Variants in PSMD5 observed in about 807,000 individuals in gnomAD.
PSMD5 encodes the protein proteasome 26S subunit, non-ATPase 5, also known as 26S proteasome non-ATPase regulatory subunit 5.
Under a neutral mutation model 52.1 loss-of-function variants are expected in PSMD5, and 40 were observed. That is an observed-to-expected ratio of 0.77 (90% CI 0.60 to 1.00). The LOEUF (loss-of-function observed/expected upper bound fraction) is 1.00. Ranked by LOEUF, PSMD5 falls within the 50% of genes least tolerant of loss-of-function variation. The pLI, the probability that PSMD5 is intolerant of heterozygous loss-of-function variation, is 0.00. For synonymous variants in PSMD5, 211 were observed against 226.6 expected (o/e 0.93, Z 0.62); for missense variants, 575 against 605.2 (o/e 0.95, Z 0.52).
At chr9:120,831,663 T>C (rs951393153) in intron 3 of PSMD5, 169 bp downstream of exon 3, 4 of 1,143,142 alleles carry the variant, frequency 3.5e-6, no homozygotes, top group Non-Finnish European at 4.8e-6. Context: ...AGGGGTTTAC[T>C]AGTATTTACT....
In PSMD5 at chr9:120,826,843, G is replaced by A. The variant is rs2045125849; in HGVS notation, c.736C>T (p.Gln246Ter). Residue 246 changes from glutamine to a stop codon, truncating the protein, a stop_gained, in exon 6 of 10, where the codon CAA becomes TAA. Transcript: ENST00000210313. LOFTEE classifies it high-confidence loss of function. ...YTHHGRQYLAQEGVIDQISNI... is the reference protein window; with the variant it reads ...YTHHGRQYLA ...GAAATTTGGTCAATTACTCCTTCTT[G>A]AGCAAGATATTGTCGCCCATGATGA... The A allele has an allele frequency of 6.2e-7, 1 of 1,613,280 alleles. No homozygotes were observed.
At chr9:120,841,619 A>C (rs2045238582) in intron 1 of PSMD5, among the ~76,000 whole-genome samples, 1 of 141,774 alleles carries the variant, frequency 7.1e-6, no homozygotes, top group Non-Finnish European at 1.6e-5. Context: ...CAAAACACAG[A>C]GATCTTTCCA....
At chr9:120,834,749 T>C (rs1011267816) in intron 1 of PSMD5, among the ~76,000 whole-genome samples, 1 of 152,182 alleles carries the variant, frequency 6.6e-6, no homozygotes, top group African/African-American at 2.4e-5. Context: ...CTTAAAGAAG[T>C]AAAATGACGA....
chr9:120,836,559 G>A (rs1463962661), intron 1 of PSMD5, among the ~76,000 whole-genome samples: 2 of 151,854 alleles, frequency 1.3e-5, no homozygotes, highest in African/African-American at 2.4e-5. Flanking sequence ...ACCAAGCCCA[G>A]CTAATTTTTG....
intron 7 of PSMD5, among the ~76,000 whole-genome samples, chr9:120,823,823 G>A (rs781589101): frequency 1.3e-5 from 2 of 151,932 alleles, no homozygotes; most frequent in Non-Finnish European, 2.9e-5. Context: ...CATGCCAAAA[G>A]TATCTCTTAA....
intron 1 of PSMD5, among the ~76,000 whole-genome samples, chr9:120,838,513 T>C (rs957402793): frequency 6.6e-6 from 1 of 152,356 alleles, no homozygotes; most frequent in South Asian, 2.1e-4. Context: ...CAACAACTTA[T>C]GTGGTTTAGC....
chr9:120,831,362 G>A lies in PSMD5; in HGVS notation c.530C>T (p.Thr177Ile), dbSNP rs1416800717. The change falls in exon 4 of 10, where the codon ACA becomes ATA. Residue 177 changes from threonine (T) to isoleucine (I), a missense_variant. Transcript: ENST00000210313. ...LLDDLKSVMKTNDIVRYRVYE... is the reference protein window; with the variant it reads ...LLDDLKSVMKINDIVRYRVYE... ...CACCCTGTATCGAACAATGTCATTT[G>A]TTTTCATTACACTTTTCAAATCATC... The A allele has an allele frequency of 6.2e-7, 1 of 1,611,342 alleles. No homozygotes were observed. The highest frequency in any genetic ancestry group is 2.2e-5 in the East Asian group (1 of 44,758).
At chr9:120,831,596 G>A in intron 3 of PSMD5, 137 bp from the exon 4 acceptor site, 7 of 1,186,530 alleles carry the variant, frequency 5.9e-6, no homozygotes, top group Non-Finnish European at 8.1e-6. Flanking sequence ...AAAGACGCAA[G>A]GTATCCCCCA....
chr9:120,831,072 TG>T (rs1007020653), intron 4 of PSMD5, among the ~76,000 whole-genome samples: 1 of 152,088 alleles, frequency 6.6e-6, no homozygotes, highest in African/African-American at 2.4e-5. Flanking sequence ...GTTGTAGAGA[TG>T]GGGTCTCACT....
chr9:120,816,201 T>G lies in PSMD5; in HGVS notation c.*1705A>C, dbSNP rs1228560465. ...TCAATGTCATGAAGCAGAATGGTGG[T>G]TGCCAGAGGCTGGGGAAAAGAGGGA... is the stretch of plus-strand genomic sequence containing the variant. On this transcript the variant is annotated 3_prime_UTR_variant, in exon 10 of 10. Transcript: ENST00000210313. The G allele has an allele frequency of 6.6e-6, 1 of 152,442 alleles. No homozygotes were observed. The highest frequency in any genetic ancestry group is 1.9e-4 in the East Asian group (1 of 5,208). The allele number at this position is 152,442 out of a possible 1,614,324, so 9.4% of individuals were successfully genotyped here.
At chr9:120,828,669 G>A (rs2045139944) in intron 5 of PSMD5, among the ~76,000 whole-genome samples, 2 of 150,650 alleles carry the variant, frequency 1.3e-5, no homozygotes, top group East Asian at 2.0e-4. Context: ...CTCATGAATC[G>A]CCCACCTCAG....
At chr9:120,834,202 G>A (rs752501120) in intron 1 of PSMD5, among the ~76,000 whole-genome samples, 3 of 151,690 alleles carry the variant, frequency 2.0e-5, no homozygotes, top group Admixed American at 1.3e-4. Context: ...TGATGATCTC[G>A]ATCTCCTGAC....
At chr9:120,841,483 G>A (rs1300962165) in intron 1 of PSMD5, among the ~76,000 whole-genome samples, 1 of 152,160 alleles carries the variant, frequency 6.6e-6, no homozygotes, top group East Asian at 1.9e-4. Flanking sequence ...GCAGGCTGAG[G>A]CAGGAGAATG....
chr9:120,842,802 C>G lies in PSMD5; in HGVS notation c.108G>C (p.Glu36Asp), dbSNP rs1349847958. ...GCAGCTCCGCCGCTTGCTGGCGAAG[C>G]TCGTTGAGCGGCACTGCCTGCAGCA... ...HSVLQAVPLNELRQQAAELRL... is the reference protein window; with the variant it reads ...HSVLQAVPLNDLRQQAAELRL... The change falls in exon 1 of 10, where the codon GAG (glutamate) becomes GAC (aspartate). Residue 36 changes from glutamate (E) to aspartate (D), a missense_variant. By Grantham distance (45) the Glu-to-Asp change is conservative. Transcript: ENST00000210313. 4 of 1,612,572 alleles carry G rather than the reference C, an allele frequency of 2.5e-6. No homozygotes were observed. The highest frequency in any genetic ancestry group is 3.4e-6 in the Non-Finnish European group (4 of 1,179,914).
At chr9:120,842,051 AG>A (rs1407373875) in intron 1 of PSMD5, 1 of 152,418 alleles carries the variant, frequency 6.6e-6, no homozygotes, top group Non-Finnish European at 1.5e-5. Context: ...GGACATACCC[AG>A]GAACACCTTT....
intron 1 of PSMD5, among the ~76,000 whole-genome samples, chr9:120,837,487 C>T (rs2045206460): frequency 6.6e-6 from 1 of 152,248 alleles, no homozygotes; most frequent in Non-Finnish European, 1.5e-5. Flanking sequence ...TGAGCCACCA[C>T]ACCCAGCTCA....
intron 4 of PSMD5, among the ~76,000 whole-genome samples, chr9:120,830,088 G>T (rs961494326): frequency 1.3e-5 from 2 of 152,162 alleles, no homozygotes; most frequent in African/African-American, 2.4e-5. Context: ...GGTAGAAGCT[G>T]TACTAATGAA....
chr9:120,842,598 A>T, intron 1 of PSMD5, 139 bp downstream of exon 1: 1 of 949,462 alleles, frequency 1.1e-6, no homozygotes, highest in Non-Finnish European at 1.6e-6. Context: ...TGAACCCAGG[A>T]TCCTTCCTTC....
intron 1 of PSMD5, among the ~76,000 whole-genome samples, chr9:120,838,018 G>C (rs2045209621): frequency 6.6e-6 from 1 of 152,196 alleles, no homozygotes. Flanking sequence ...AATACATAAT[G>C]TATGACTCCA....
Sources: gnomAD v4.1 joint callset for allele counts (sites outside exome capture counted in the v4.1 genomes callset) on GRCh38, gnomAD v4.1.1 for gene constraint, MANE v1.5 for transcripts, NCBI Gene and HGNC (gene_info 2026-07-23, HGNC 2026-07-21) for gene names.